EDAR: variants seen among roughly 807,000 people sequenced by gnomAD.
EDAR encodes the protein ectodysplasin A receptor, also known as tumor necrosis factor receptor superfamily member EDAR.
In EDAR, 38 loss-of-function variants were observed where a neutral mutation model predicts 51.3. The ratio of observed to expected loss-of-function variants is 0.74; its 90% CI spans 0.57 to 0.97. The LOEUF is 0.97. EDAR is among the 50% of genes least tolerant of loss of function. The probability of loss-of-function intolerance (pLI) is 0.00; values close to 1 mark genes in which losing one functional copy is unlikely to be tolerated. For missense variants in EDAR, 528 were observed against 595.0 expected (o/e 0.89, Z 1.17); for synonymous variants, 227 against 242.1 (o/e 0.94, Z 0.58).
chr2:108,938,121 CAG>C (rs1449947958), intron 1 of EDAR, among the ~76,000 whole-genome samples: 1 of 152,232 alleles, frequency 6.6e-6, no homozygotes, highest in Non-Finnish European at 1.5e-5. Context: ...GAATCTTCAG[CAG>C]AACCCACAGA....
intron 1 of EDAR, among the ~76,000 whole-genome samples, chr2:108,985,702 GA>G (rs1178584239): frequency 6.6e-6 from 1 of 152,192 alleles, no homozygotes; most frequent in Non-Finnish European, 1.5e-5. Context: ...CAGCATTTGA[GA>G]AATAACAGGT....
chr2:108,905,951 G>A (rs952683064), intron 11 of EDAR, among the ~76,000 whole-genome samples: 1 of 152,126 alleles, frequency 6.6e-6, no homozygotes, highest in Non-Finnish European at 1.5e-5. Context: ...GACTGATCAC[G>A]TTTCCCAGAT....
intron 1 of EDAR, among the ~76,000 whole-genome samples, chr2:108,974,701 C>G (rs143862737): frequency 9.2e-5 from 14 of 152,112 alleles, no homozygotes; most frequent in Non-Finnish European, 1.6e-4. Context: ...CTGCACTCCA[C>G]CCTGGGTGAC....
intron 1 of EDAR, among the ~76,000 whole-genome samples, chr2:108,957,314 A>G (rs763621993): frequency 6.6e-6 from 1 of 152,240 alleles, no homozygotes; most frequent in Non-Finnish European, 1.5e-5. Context: ...GTTTATGGGC[A>G]GAGATGACCC....
chr2:108,978,815 A>C (rs1397152259), intron 1 of EDAR, among the ~76,000 whole-genome samples: 1 of 152,182 alleles, frequency 6.6e-6, no homozygotes, highest in Admixed American at 6.5e-5. Context: ...GCAGGAGGGC[A>C]CCAATGAAGT....
At position 108,929,222 on chromosome 2, in the gene EDAR, G is replaced by C. The variant is rs1459458246; in HGVS notation, c.332C>G (p.Ala111Gly). The change falls in exon 4 of 12, where the codon GCT becomes GGT. Residue 111 changes from alanine to glycine, a missense_variant. Ala to Gly is a moderately conservative substitution (Grantham distance 60). Transcript: ENST00000258443. ...CCCAGGGAGGCAAGGGCCACACTCA[G>C]CGTCATTCTCCATGTCCCCTGGTGT... ...VLTPGDMEND[A>G]ECGPCLPGYY... 6.2e-7 allele frequency: 1 copy of C among 1,613,988 alleles called. No individual in the cohort carries two copies.
chr2:108,980,216 T>C (rs1698396871), intron 1 of EDAR, among the ~76,000 whole-genome samples: 1 of 152,208 alleles, frequency 6.6e-6, no homozygotes. Flanking sequence ...CCAGCTCATT[T>C]CATTCTCTTC....
chr2:108,907,995 A>G lies in EDAR; in HGVS notation c.828T>C (p.Asn276=), dbSNP rs780266157. 2.5e-6 allele frequency: 4 copies of G among 1,610,260 alleles called. No homozygotes were observed. Among genetic ancestry groups the G allele is most frequent in the South Asian group, 1.1e-5 (1 of 91,020 alleles). ...TKSENDASSE[N]EQLLSRSVDS... is the part of the protein sequence containing the mutation. Reference sequence around the variant, plus strand: ...CGACGCTCCGGCTCAGCAGCTGCTCATTCTCGGATGAGGCATCGTTCTCGC... The same window carrying G: ...CGACGCTCCGGCTCAGCAGCTGCTCGTTCTCGGATGAGGCATCGTTCTCGC... Residue 276 remains asparagine (N), a synonymous_variant, in exon 10 of 12, where the codon AAT becomes AAC. Coordinates refer to ENST00000258443, the MANE Select transcript of EDAR (RefSeq NM_022336.4).
chr2:108,962,674 CAAAAAAAAAA>C (rs66741499), intron 1 of EDAR, among the ~76,000 whole-genome samples: 9 of 66,886 alleles, frequency 1.3e-4, no homozygotes, highest in East Asian at 2.7e-3. Context: ...GACTCTGTCT[CAAAAAAAAAA>C]AAAAAAAAAA....
intron 1 of EDAR, among the ~76,000 whole-genome samples, chr2:108,932,385 C>T (rs1049082999): frequency 5.9e-5 from 9 of 151,738 alleles, no homozygotes; most frequent in East Asian, 1.9e-4. Flanking sequence ...AAAAATTACC[C>T]GGGCATGGTG....
chr2:108,909,646 G>A (rs949443990), intron 9 of EDAR, among the ~76,000 whole-genome samples: 1 of 152,240 alleles, frequency 6.6e-6, no homozygotes, highest in Non-Finnish European at 1.5e-5. Context: ...TGCCTGGCTG[G>A]GAGCTGATGC....
intron 1 of EDAR, among the ~76,000 whole-genome samples, chr2:108,938,490 G>A (rs1388457437): frequency 2.6e-5 from 4 of 152,186 alleles, no homozygotes; most frequent in Non-Finnish European, 5.9e-5. Context: ...GATTGCTCAC[G>A]AAAATAACGT....
At chr2:108,936,492 C>G (rs1186508381) in intron 1 of EDAR, among the ~76,000 whole-genome samples, 1 of 152,096 alleles carries the variant, frequency 6.6e-6, no homozygotes, top group Non-Finnish European at 1.5e-5. Flanking sequence ...GCTCCCTGCC[C>G]ACCCAGCGCT....
intron 5 of EDAR, among the ~76,000 whole-genome samples, chr2:108,922,613 C>T (rs2105429665): frequency 6.6e-6 from 1 of 152,258 alleles, no homozygotes; most frequent in East Asian, 1.9e-4. Flanking sequence ...GGGGTAGTGG[C>T]GCCTTATGGA....
At chr2:108,915,259 C>T (rs1431760814) in intron 5 of EDAR, among the ~76,000 whole-genome samples, 2 of 152,174 alleles carry the variant, frequency 1.3e-5, no homozygotes, top group African/African-American at 2.4e-5. Context: ...CACTCTTGTT[C>T]TGTGAGTGGG....
intron 1 of EDAR, among the ~76,000 whole-genome samples, chr2:108,946,850 C>T (rs1490661922): frequency 1.3e-5 from 2 of 152,008 alleles, no homozygotes; most frequent in African/African-American, 2.4e-5. Flanking sequence ...TGGGTGGGGA[C>T]ACAGAGCCAA....
At chr2:108,899,845 G>A (rs111339281) in intron 11 of EDAR, among the ~76,000 whole-genome samples, 4 of 152,100 alleles carry the variant, frequency 2.6e-5, no homozygotes, top group African/African-American at 9.7e-5. Flanking sequence ...AAACACATTG[G>A]CGTGGTAGTG....
At chr2:108,942,620 G>A (rs996945167) in intron 1 of EDAR, among the ~76,000 whole-genome samples, 12 of 152,260 alleles carry the variant, frequency 7.9e-5, no homozygotes, top group Admixed American at 7.9e-4. Context: ...CCGTGAGGCG[G>A]GCGGTTCCGC....
At chr2:108,943,437 A>G (rs1024524350) in intron 1 of EDAR, among the ~76,000 whole-genome samples, 1 of 152,156 alleles carries the variant, frequency 6.6e-6, no homozygotes, top group East Asian at 1.9e-4. Context: ...CTGCAATCAC[A>G]CCGTATTCAT....
Sources: gnomAD v4.1 joint callset for allele counts (sites outside exome capture counted in the v4.1 genomes callset) on GRCh38, gnomAD v4.1.1 for gene constraint, MANE v1.5 for transcripts, NCBI Gene and HGNC (gene_info 2026-07-23, HGNC 2026-07-21) for gene names.